CYYR1: variants seen among roughly 807,000 people sequenced by gnomAD.
CYYR1 encodes the protein cysteine and tyrosine-rich protein 1.
In CYYR1, 14 loss-of-function variants were observed where a neutral mutation model predicts 15.2. The ratio of observed to expected loss-of-function variants is 0.92; its 90% CI spans 0.61 to 1.44. CYYR1 has a LOEUF of 1.44. Among genes scored for constraint, CYYR1 ranks in the 40% most tolerant of loss-of-function variants. The pLI is 0.00. For synonymous variants in CYYR1, 80 were observed against 77.4 expected, an observed-to-expected ratio of 1.03 and a Z score of -0.18; for missense variants, 228 against 209.5, an observed-to-expected ratio of 1.09 and a Z score of -0.54.
intron 2 of CYYR1, chr21:26,564,737 C>T: frequency 1.6e-6 from 2 of 1,217,078 alleles, no homozygotes; most frequent in Non-Finnish European, 2.1e-6. Context: ...AAGAGCTAAG[C>T]TAGGAGCCAG....
rs1235588243 is a variant in CYYR1 at position 26,468,301 on chromosome 21, C to G, written c.*200G>C. ...TCTCTTAAAATGTGGTTCCATAGAA[C>G]CAAACATTAATACTCCAGATGGGGT... On this transcript the variant is annotated 3_prime_UTR_variant, in exon 4 of 4. Coordinates refer to ENST00000652641, the MANE Select transcript of CYYR1 (RefSeq NM_001320768.2). The G allele has an allele frequency of 2.3e-5, 14 of 596,522 alleles. No individual in the cohort carries two copies. The highest frequency in any genetic ancestry group is 2.2e-4 in the African/African-American group (12 of 54,092). 37.0% of individuals were successfully genotyped at this position (596,522 alleles called of 1,614,324 possible). A position where few individuals can be genotyped will look rare whatever the true frequency, so the allele number is the denominator to read the frequency against.
intron 2 of CYYR1, among the ~76,000 whole-genome samples, chr21:26,511,284 A>T (rs764708742): frequency 9.9e-5 from 15 of 152,250 alleles, no homozygotes; most frequent in Non-Finnish European, 2.2e-4. Flanking sequence ...ATTTAAAAAT[A>T]GTAGATTCAG....
intron 2 of CYYR1, among the ~76,000 whole-genome samples, chr21:26,514,900 CAT>C (rs1338252977): frequency 6.6e-5 from 10 of 152,222 alleles, no homozygotes; most frequent in Admixed American, 1.3e-4. Context: ...AATTCCTTCA[CAT>C]GTTTCCCACC....
chr21:26,493,031 C>T (rs144072828), intron 2 of CYYR1, among the ~76,000 whole-genome samples: 117 of 152,070 alleles, frequency 7.7e-4, no homozygotes, highest in African/African-American at 2.8e-3. Context: ...TTTCTGAATC[C>T]TAAAGGGTTG....
intron 3 of CYYR1, among the ~76,000 whole-genome samples, chr21:26,473,542 T>C (rs2065062310): frequency 6.6e-6 from 1 of 152,114 alleles, no homozygotes; most frequent in Non-Finnish European, 1.5e-5. Flanking sequence ...GCACATCGAT[T>C]TGTTAATTTT....
rs1239821319 is a variant in CYYR1 at position 26,573,099 on chromosome 21, C to T, written c.-159G>A. 30 of 1,497,624 alleles carry T rather than the reference C, an allele frequency of 2.0e-5. No individual in the cohort carries two copies. Among genetic ancestry groups the T allele is most frequent in the Non-Finnish European group, 2.6e-5 (29 of 1,124,854 alleles). 92.8% of individuals were successfully genotyped at this position (1,497,624 alleles called of 1,614,324 possible). A position where few individuals can be genotyped will look rare whatever the true frequency, so the allele number is the denominator to read the frequency against. On this transcript the variant is annotated 5_prime_UTR_variant, in exon 1 of 4. Coordinates refer to ENST00000652641, the MANE Select transcript of CYYR1 (RefSeq NM_001320768.2). Reference sequence around the variant, plus strand: ...GGGAGCCTTCCAAGGGAGCCCGGGCCGGGCGCGTCCCGGGCCAGCGACTGC... The same window carrying T: ...GGGAGCCTTCCAAGGGAGCCCGGGCTGGGCGCGTCCCGGGCCAGCGACTGC...
At chr21:26,538,712 T>C (rs987641349) in intron 2 of CYYR1, among the ~76,000 whole-genome samples, 8 of 152,298 alleles carry the variant, frequency 5.3e-5, no homozygotes, top group South Asian at 2.1e-4. Flanking sequence ...AATCTCACTG[T>C]AGGTTTGCTA....
chr21:26,554,212 G>A (rs921580304), intron 2 of CYYR1, among the ~76,000 whole-genome samples: 3 of 152,176 alleles, frequency 2.0e-5, no homozygotes, highest in South Asian at 2.1e-4. Flanking sequence ...AAAAGAGCCG[G>A]CAGTTAGAAC....
intron 3 of CYYR1, among the ~76,000 whole-genome samples, chr21:26,472,341 T>A (rs2123365743): frequency 6.6e-6 from 1 of 152,258 alleles, no homozygotes; most frequent in African/African-American, 2.4e-5. Flanking sequence ...TTAATTATTT[T>A]TTTTTTAGAA....
rs143820905 is a variant in CYYR1 at position 26,499,412 on chromosome 21, G to T, written c.177-18983C>A. The stretch of plus-strand genomic sequence containing the variant: ...GAAGGTTTTTCCTCTAGGGATTCCA[G>T]AGGGAGTATGGCTCTGCTGACACAC... On this transcript the variant is annotated intron_variant, in intron 2 of 3. Transcript: ENST00000652641. Among the ~76,000 whole-genome samples, 138 of 152,346 alleles carry T rather than the reference G, an allele frequency of 9.1e-4. 2 individuals are homozygous for T. Among genetic ancestry groups the T allele is most frequent in the African/African-American group, 3.0e-3 (126 of 41,588 alleles).
chr21:26,527,822 G>C (rs952613331), intron 2 of CYYR1, among the ~76,000 whole-genome samples: 70 of 152,312 alleles, frequency 4.6e-4, no homozygotes, highest in African/African-American at 1.7e-3. Context: ...GAGGGTGTGT[G>C]CACCTGTTGA....
At position 26,478,072 on chromosome 21, in the gene CYYR1, T is replaced by TAC. The variant is rs1039049841; in HGVS notation, c.334+2198_334+2199dup. 10 of 1,549,464 alleles carry TAC rather than the reference T, an allele frequency of 6.5e-6. No individual in the cohort carries two copies. The African/African-American group carries it at 1.2e-4, about 19-fold the overall frequency. On this transcript the variant is annotated intron_variant, in intron 3 of 3. Transcript: ENST00000652641. ...GCCCATTATGTACCAGGCCTGGTCT[T>TAC]ACATGCTTGGAATAGAGTGTTGAAC... is the stretch of plus-strand genomic sequence containing the variant.
chr21:26,492,687 G>C (rs2065344648), intron 2 of CYYR1, among the ~76,000 whole-genome samples: 1 of 149,466 alleles, frequency 6.7e-6, no homozygotes, highest in Admixed American at 6.8e-5. Context: ...AAGAGTTCTA[G>C]TGGCCATCTG....
At chr21:26,562,873 T>C (rs993244251) in intron 2 of CYYR1, among the ~76,000 whole-genome samples, 36 of 150,782 alleles carry the variant, frequency 2.4e-4, no homozygotes, top group Non-Finnish European at 1.5e-5. Context: ...CTTCATAGAT[T>C]AGCTCTTTGA....
At chr21:26,523,462 C>T (rs984014619) in intron 2 of CYYR1, among the ~76,000 whole-genome samples, 5 of 152,174 alleles carry the variant, frequency 3.3e-5, no homozygotes, top group African/African-American at 1.2e-4. Flanking sequence ...ATTTAAAACT[C>T]CCATGGCTTT....
chr21:26,470,811 G>C (rs2065023780), intron 3 of CYYR1: 2 of 152,334 alleles, frequency 1.3e-5, no homozygotes, highest in African/African-American at 4.8e-5. Flanking sequence ...CCTGTACTTG[G>C]AGGATGTGAG....
intron 3 of CYYR1, among the ~76,000 whole-genome samples, chr21:26,476,980 T>C (rs1322514016): frequency 1.3e-5 from 2 of 152,152 alleles, no homozygotes; most frequent in Non-Finnish European, 2.9e-5. Context: ...CTACCCAATA[T>C]GGCAAGAATG....
intron 2 of CYYR1, among the ~76,000 whole-genome samples, chr21:26,512,199 T>A (rs568812771): frequency 6.6e-6 from 1 of 152,096 alleles, no homozygotes; most frequent in Admixed American, 6.6e-5. Context: ...GTCCCTCTTT[T>A]TTTATTTATT....
chr21:26,544,632 G>T (rs1311722268), intron 2 of CYYR1, among the ~76,000 whole-genome samples: 1 of 152,156 alleles, frequency 6.6e-6, no homozygotes, highest in Non-Finnish European at 1.5e-5. Context: ...ACATCCTGGT[G>T]ACCCTGAAGA....
Sources: allele counts gnomAD v4.1 joint callset (sites outside exome capture counted in the v4.1 genomes callset), GRCh38; gene constraint gnomAD v4.1.1; transcripts MANE v1.5; gene names NCBI Gene and HGNC (gene_info 2026-07-23, HGNC 2026-07-21).